CCDC60: variants seen among roughly 807,000 people sequenced by gnomAD.
CCDC60 encodes coiled-coil domain containing 60.
A neutral mutation model predicts 63.5 loss-of-function variants in CCDC60; 54 were observed. That is an observed-to-expected ratio of 0.85 (90% confidence interval 0.68 to 1.07). The LOEUF is 1.07. Among genes scored for constraint, CCDC60 ranks in the 50% least tolerant of loss-of-function variants. CCDC60 has a pLI of 0.00. For missense variants in CCDC60, 651 were observed against 684.3 expected, an observed-to-expected ratio of 0.95 and a Z score of 0.54; for synonymous variants, 206 against 238.8, an observed-to-expected ratio of 0.86 and a Z score of 1.27.
At chr12:119,338,201 T>C (rs1365689606) in intron 1 of CCDC60, among the ~76,000 whole-genome samples, 1 of 152,154 alleles carries the variant, frequency 6.6e-6, no homozygotes, top group Non-Finnish European at 1.5e-5. Flanking sequence ...TTTAGAGTTA[T>C]AGTAAAGCAT....
chr12:119,405,835 A>G (rs1162277342), intron 1 of CCDC60, among the ~76,000 whole-genome samples: 3 of 151,672 alleles, frequency 2.0e-5, no homozygotes, highest in Non-Finnish European at 2.9e-5. Flanking sequence ...CTCCAAAAGT[A>G]GCCTTACCTT....
chr12:119,466,730 G>A (rs1950960773), intron 2 of CCDC60, among the ~76,000 whole-genome samples: 1 of 152,192 alleles, frequency 6.6e-6, no homozygotes, highest in Non-Finnish European at 1.5e-5. Context: ...CAGGCAGTTT[G>A]AAGACCTGCT....
At chr12:119,385,092 G>A (rs1956047011) in intron 1 of CCDC60, among the ~76,000 whole-genome samples, 1 of 152,190 alleles carries the variant, frequency 6.6e-6, no homozygotes, top group South Asian at 2.1e-4. Flanking sequence ...TAGAGCTATG[G>A]GCTTACTTGT....
chr12:119,383,972 G>A (rs180966875), intron 1 of CCDC60, among the ~76,000 whole-genome samples: 8 of 152,276 alleles, frequency 5.3e-5, no homozygotes, highest in South Asian at 4.2e-4. Context: ...CGAGGCGGGC[G>A]GATCACGAGG....
At chr12:119,428,457 C>G (rs1176322261) in intron 1 of CCDC60, among the ~76,000 whole-genome samples, 3 of 152,158 alleles carry the variant, frequency 2.0e-5, no homozygotes, top group Non-Finnish European at 2.9e-5. Flanking sequence ...GGTCACCAGA[C>G]AGAACCAGGG....
intron 7 of CCDC60, among the ~76,000 whole-genome samples, chr12:119,507,360 G>A (rs1448710449): frequency 1.3e-5 from 2 of 151,172 alleles, no homozygotes; most frequent in Non-Finnish European, 2.9e-5. Context: ...AACAGAAGAA[G>A]TAGTATCTGA....
chr12:119,475,225 T>C (rs1457626969), intron 3 of CCDC60, among the ~76,000 whole-genome samples: 1 of 152,222 alleles, frequency 6.6e-6, no homozygotes, highest in Non-Finnish European at 1.5e-5. Flanking sequence ...TGGCTCTTTT[T>C]TCAGGAGCTA....
In CCDC60 at chr12:119,410,550, A is replaced by G. The variant is rs1015231557; in HGVS notation, c.91-18133A>G. 4.6e-5 allele frequency among the ~76,000 whole-genome samples: 7 copies of G among 151,934 alleles called. No individual in the cohort carries two copies. Among genetic ancestry groups the G allele is most frequent in the African/African-American group, 1.7e-4 (7 of 41,378 alleles). ...GCCTCGTGACATCAGGAAAACCTTC[A>G]TCACCACACCCCAATACACACACAC... On this transcript the variant is annotated intron_variant, in intron 1 of 13. Transcript: ENST00000327554. The surrounding 1 kb of genome is among the most constrained non-coding windows in gnomAD (Gnocchi z 4.0).
chr12:119,463,329 C>T (rs1950893187), intron 2 of CCDC60, among the ~76,000 whole-genome samples: 1 of 152,218 alleles, frequency 6.6e-6, no homozygotes, highest in South Asian at 2.1e-4. Flanking sequence ...GGTGGGACTT[C>T]CGAAAGGACA....
rs375576526 is a variant in CCDC60 at position 119,412,271 on chromosome 12, T to TAAA, written c.91-16402_91-16400dup. 1.3e-3 allele frequency among the ~76,000 whole-genome samples: 184 copies of TAAA among 146,078 alleles called. 1 individual carries two copies. The highest frequency in any genetic ancestry group is 4.5e-3 in the African/African-American group (178 of 39,808). On this transcript the variant is annotated intron_variant, in intron 1 of 13. Transcript: ENST00000327554. ...TCAGCTCTGCTTCTGCTCTTCACAT[T>TAAA]AAAAAAAAAAAATGAGGTTAAAAGT...
At chr12:119,375,636 G>A (rs532631144) in intron 1 of CCDC60, among the ~76,000 whole-genome samples, 1 of 152,304 alleles carries the variant, frequency 6.6e-6, no homozygotes, top group Non-Finnish European at 1.5e-5. Flanking sequence ...AAATAATGGG[G>A]TGTGGAGTCA....
rs79912114 is a variant in CCDC60 at position 119,431,667 on chromosome 12, G to T, written c.170+2905G>T. Among the ~76,000 whole-genome samples, 932 of 151,810 alleles carry T rather than the reference G, an allele frequency of 6.1e-3. 12 individuals carry two copies. The highest frequency in any genetic ancestry group is 0.021 in the African/African-American group (880 of 41,410). On this transcript the variant is annotated intron_variant, in intron 2 of 13. Coordinates refer to ENST00000327554, the MANE Select transcript of CCDC60 (RefSeq NM_178499.5). ...CATTGTTTTTTGTTTTTCTGTGTTT[G>T]TGTTTGTTTGTTTGTTTGTTTTTTG...
chr12:119,412,514 C>A (rs1956621140), intron 1 of CCDC60, among the ~76,000 whole-genome samples: 1 of 152,074 alleles, frequency 6.6e-6, no homozygotes, highest in African/African-American at 2.4e-5. Flanking sequence ...GATGAATTGC[C>A]AAATAAATTT....
intron 1 of CCDC60, among the ~76,000 whole-genome samples, chr12:119,387,034 T>A (rs11064770): frequency 0.094 from 9,961 of 105,514 alleles, 711 homozygotes; most frequent in South Asian, 0.24. Context: ...TCTGTCTCTC[T>A]CACACACACA....
chr12:119,462,050 T>G (rs1950865120), intron 2 of CCDC60, among the ~76,000 whole-genome samples: 1 of 152,204 alleles, frequency 6.6e-6, no homozygotes, highest in Admixed American at 6.5e-5. Context: ...CACTCAGGCC[T>G]TTCCAGAAGA....
At chr12:119,402,065 T>C (rs1956402091) in intron 1 of CCDC60, among the ~76,000 whole-genome samples, 1 of 152,146 alleles carries the variant, frequency 6.6e-6, no homozygotes, top group Admixed American at 6.5e-5. Flanking sequence ...TCATGTTCCT[T>C]CCTCAGACTC....
rs143258358 is a variant in CCDC60 at position 119,531,036 on chromosome 12, C to G, written c.1524C>G (p.Cys508Trp). The change falls in exon 13 of 14, where the codon TGC (cysteine) becomes TGG (tryptophan). Residue 508 changes from cysteine to tryptophan, a missense_variant. Physicochemically the swap from Cys to Trp is radical, Grantham distance 215. Transcript: ENST00000327554. The stretch of plus-strand genomic sequence containing the variant: ...AGGATCTGAGGATTTGGGAACTGTG[C>G]TCCCCTGACATCGCTGTGGCTATTG... ...VLQDLRIWEL[C>W]SPDIAVAIEF... is the part of the protein sequence containing the mutation. 3.1e-6 allele frequency: 5 copies of G among 1,613,996 alleles called. No homozygotes were observed. In the African/African-American group the frequency reaches 6.7e-5, roughly 22 times the overall value.
chr12:119,534,835 C>T lies in CCDC60; in HGVS notation c.1551+3772C>T, dbSNP rs563722337. On this transcript the variant is annotated intron_variant, in intron 13 of 13. Transcript: ENST00000327554. ...CGGTTTGCCAGTATTTTATTGAGGA[C>T]TTTCACATCGATGTTCATCAGGGAT... Among the ~76,000 whole-genome samples the T allele has an allele frequency of 6.3e-4, 96 of 152,210 alleles. 1 individual carries two copies. In the South Asian group the frequency reaches 0.02, roughly 31 times the overall value.
At chr12:119,387,052 A>C (rs1301250643) in intron 1 of CCDC60, among the ~76,000 whole-genome samples, 1 of 147,888 alleles carries the variant, frequency 6.8e-6, no homozygotes, top group Admixed American at 6.8e-5. Flanking sequence ...ACACACACAC[A>C]CACACACACA....
Sources: allele counts gnomAD v4.1 joint callset (sites outside exome capture counted in the v4.1 genomes callset), GRCh38; gene constraint gnomAD v4.1.1; non-coding constraint Gnocchi (gnomAD v3.1); transcripts MANE v1.5; gene names NCBI Gene and HGNC (gene_info 2026-07-23, HGNC 2026-07-21).